The following CSMD1 variants were observed in gnomAD, a reference collection of about 807,000 sequenced individuals.
CSMD1 encodes CUB and sushi domain-containing protein 1.
In CSMD1, 213 loss-of-function variants were observed where a neutral mutation model predicts 417.5. The ratio of observed to expected loss-of-function variants is 0.51; its 90% CI spans 0.46 to 0.57. CSMD1 has a LOEUF of 0.57. CSMD1 is among the 20% of genes least tolerant of loss of function. The pLI, the probability that CSMD1 is intolerant of heterozygous loss-of-function variation, is 0.00. For missense variants in CSMD1, 6,923 were observed against 4,529.7 expected (o/e 1.53, Z -15.17); for synonymous variants, 2,862 against 1,736.8 (o/e 1.65, Z -16.11).
intron 2 of CSMD1, among the ~76,000 whole-genome samples, chr8:4,552,690 A>C (rs1797926066): frequency 6.6e-6 from 1 of 152,154 alleles, no homozygotes; most frequent in Admixed American, 6.5e-5. Flanking sequence ...AGATGGGTCT[A>C]TTACCCCATC....
intron 3 of CSMD1, among the ~76,000 whole-genome samples, chr8:4,077,256 C>T (rs758833349): frequency 9.2e-5 from 12 of 130,700 alleles, no homozygotes; most frequent in Non-Finnish European, 1.6e-4. Flanking sequence ...TGACACCTCC[C>T]ACTGTAAAAG....
intron 1 of CSMD1, among the ~76,000 whole-genome samples, chr8:4,821,875 G>C (rs553804961): frequency 6.6e-6 from 1 of 152,098 alleles, no homozygotes; most frequent in African/African-American, 2.4e-5. Context: ...ACACGCTTCT[G>C]CTCTAGCCCA....
At chr8:4,689,937 T>TTC (rs1806658002) in intron 1 of CSMD1, among the ~76,000 whole-genome samples, 2 of 152,310 alleles carry the variant, frequency 1.3e-5, no homozygotes, top group African/African-American at 4.8e-5. Flanking sequence ...TGTTATCACT[T>TTC]TCTCCCCTGC....
chr8:3,632,030 A>C lies in CSMD1; in HGVS notation c.1010-15233T>G, dbSNP rs77576638. Among the ~76,000 whole-genome samples the C allele has an allele frequency of 7.3e-4, 111 of 152,348 alleles. 2 individuals carry two copies. The highest frequency in any genetic ancestry group is 2.6e-3 in the African/African-American group (107 of 41,582). ...CTAACCATAGGTTAACTCATCATTC[A>C]ATCAGCATTATTTACATAAGAAAGT... On this transcript the variant is annotated intron_variant, in intron 7 of 69. Transcript: ENST00000635120.
At chr8:3,985,805 G>A (rs1337471627) in intron 5 of CSMD1, among the ~76,000 whole-genome samples, 1 of 150,624 alleles carries the variant, frequency 6.6e-6, no homozygotes, top group Non-Finnish European at 1.5e-5. Context: ...GCCCAGATTG[G>A]ACAGGGTGAG....
chr8:4,134,954 G>A lies in CSMD1; in HGVS notation c.416-102855C>T, dbSNP rs113860452. On this transcript the variant is annotated intron_variant, in intron 3 of 69. Coordinates refer to ENST00000635120, the MANE Select transcript of CSMD1 (RefSeq NM_033225.6). ...ATCTCATTCCTCAACCAACACATCT[G>A]TTGTATACTAGGCAGGCTCAGCTTA... 2.5e-3 allele frequency among the ~76,000 whole-genome samples: 387 copies of A among 152,204 alleles called. 1 individual carries two copies. The highest frequency in any genetic ancestry group is 8.8e-3 in the African/African-American group (364 of 41,544).
At chr8:4,177,533 G>C (rs1388951200) in intron 3 of CSMD1, among the ~76,000 whole-genome samples, 1 of 152,008 alleles carries the variant, frequency 6.6e-6, no homozygotes, top group Non-Finnish European at 1.5e-5. Flanking sequence ...AGAAAAACAA[G>C]AGCAAACACA....
At chr8:4,295,454 C>T (rs910862363) in intron 3 of CSMD1, among the ~76,000 whole-genome samples, 1 of 142,650 alleles carries the variant, frequency 7.0e-6, no homozygotes, top group Non-Finnish European at 1.5e-5. Context: ...TCTTATTATA[C>T]ACATATAATC....
intron 5 of CSMD1, among the ~76,000 whole-genome samples, chr8:3,982,447 T>C (rs192268827): frequency 2.6e-5 from 4 of 151,980 alleles, no homozygotes; most frequent in Admixed American, 2.6e-4. Flanking sequence ...AATAGAAAGA[T>C]CTTAACTCAC....
At chr8:4,930,184 A>C (rs1807153055) in intron 1 of CSMD1, among the ~76,000 whole-genome samples, 1 of 152,196 alleles carries the variant, frequency 6.6e-6, no homozygotes, top group Non-Finnish European at 1.5e-5. Context: ...AGGCATGGAC[A>C]GACGTTCTCC....
At chr8:4,035,201 C>T (rs891344680) in intron 3 of CSMD1, among the ~76,000 whole-genome samples, 1 of 152,024 alleles carries the variant, frequency 6.6e-6, no homozygotes, top group African/African-American at 2.4e-5. Context: ...GGTCGTAGTG[C>T]CAGCTATGAT....
chr8:4,158,759 G>A (rs1796981283), intron 3 of CSMD1, among the ~76,000 whole-genome samples: 1 of 152,226 alleles, frequency 6.6e-6, no homozygotes, highest in South Asian at 2.1e-4. Context: ...GTCACTTGAT[G>A]GGTGTGAACA....
chr8:3,260,876 G>A (rs949088789), intron 26 of CSMD1, among the ~76,000 whole-genome samples: 1 of 152,134 alleles, frequency 6.6e-6, no homozygotes, highest in Non-Finnish European at 1.5e-5. Context: ...CAGACTGGGA[G>A]AAAATGCTTG....
intron 7 of CSMD1, among the ~76,000 whole-genome samples, chr8:3,674,479 A>C (rs1244884464): frequency 6.6e-6 from 1 of 152,196 alleles, no homozygotes; most frequent in African/African-American, 2.4e-5. Flanking sequence ...AAAAATGATC[A>C]CTACTCTTAA....
intron 23 of CSMD1, among the ~76,000 whole-genome samples, chr8:3,324,235 G>A (rs1432491043): frequency 2.8e-5 from 4 of 144,236 alleles, no homozygotes; most frequent in Admixed American, 6.9e-5. Context: ...AGACCCGGGA[G>A]GGGGAGTTTC....
intron 3 of CSMD1, among the ~76,000 whole-genome samples, chr8:4,193,790 C>T (rs1380712615): frequency 2.0e-5 from 3 of 151,922 alleles, no homozygotes; most frequent in African/African-American, 4.8e-5. Flanking sequence ...GGGATGACAT[C>T]GAAGGATGCT....
At chr8:4,099,999 T>A (rs2060202113) in intron 3 of CSMD1, among the ~76,000 whole-genome samples, 1 of 150,024 alleles carries the variant, frequency 6.7e-6, no homozygotes, top group Non-Finnish European at 1.5e-5. Flanking sequence ...TCTCATTCAT[T>A]TATTTTCATT....
intron 1 of CSMD1, among the ~76,000 whole-genome samples, chr8:4,750,046 G>A (rs189776637): frequency 2.7e-5 from 4 of 150,828 alleles, no homozygotes; most frequent in East Asian, 2.1e-4. Flanking sequence ...TCGCTCTGTC[G>A]CCCAGGCTGG....
intron 3 of CSMD1, among the ~76,000 whole-genome samples, chr8:4,094,335 G>T (rs918915): frequency 1.3e-5 from 2 of 151,832 alleles, no homozygotes; most frequent in Non-Finnish European, 2.9e-5. Context: ...CAGGCCAGAG[G>T]TGGCTGTGAG....
Sources: allele counts gnomAD v4.1 joint callset (sites outside exome capture counted in the v4.1 genomes callset), GRCh38; gene constraint gnomAD v4.1.1; transcripts MANE v1.5; gene names NCBI Gene and HGNC (gene_info 2026-07-23, HGNC 2026-07-21).